The following DNAJC1 variants were observed in gnomAD, a reference collection of about 807,000 sequenced individuals.
DNAJC1 encodes DnaJ heat shock protein family (Hsp40) member C1, also known as dnaJ homolog subfamily C member 1.
Under a neutral mutation model 76.6 loss-of-function variants are expected in DNAJC1, and 58 were observed. The observed-to-expected ratio is 0.76, with a 90% CI of 0.61 to 0.94. The LOEUF is 0.94. DNAJC1 is among the 40% of genes least tolerant of loss of function. The probability of loss-of-function intolerance (pLI) is 0.00; values close to 1 mark genes in which losing one functional copy is unlikely to be tolerated. For synonymous variants in DNAJC1, 258 were observed against 267.9 expected, an observed-to-expected ratio of 0.96 and a Z score of 0.36; for missense variants, 689 against 677.3, an observed-to-expected ratio of 1.02 and a Z score of -0.19.
At chr10:21,835,493 T>A (rs954790856) in intron 8 of DNAJC1, among the ~76,000 whole-genome samples, 2 of 151,850 alleles carry the variant, frequency 1.3e-5, no homozygotes. Context: ...CTTTGATGAG[T>A]TGAGAGAAGA....
At chr10:21,848,138 A>T (rs955022736) in intron 8 of DNAJC1, among the ~76,000 whole-genome samples, 1 of 152,120 alleles carries the variant, frequency 6.6e-6, no homozygotes, top group Non-Finnish European at 1.5e-5. Flanking sequence ...TGTCTTTTTG[A>T]TAACAGTCAC....
At chr10:21,900,638 A>G (rs1836636775) in intron 7 of DNAJC1, among the ~76,000 whole-genome samples, 1 of 152,194 alleles carries the variant, frequency 6.6e-6, no homozygotes, top group African/African-American at 2.4e-5. Flanking sequence ...TATATTCTTT[A>G]GATATTATCT....
intron 8 of DNAJC1, among the ~76,000 whole-genome samples, chr10:21,842,623 G>T (rs994460775): frequency 2.0e-5 from 3 of 152,170 alleles, no homozygotes; most frequent in Admixed American, 2.0e-4. Flanking sequence ...AGGTTTTAAA[G>T]ATGTAAATTG....
Position 21,847,817 on chromosome 10 carries a change from T to C in DNAJC1, c.978+34465A>G, listed in dbSNP as rs139680102. Among the ~76,000 whole-genome samples the C allele has an allele frequency of 2.1e-4, 32 of 152,282 alleles. No homozygotes were observed. In the East Asian group the frequency reaches 4.8e-3, roughly 23 times the overall value. ...ATATTCCATTGAGTGTGTGTCCATA[T>C]ATATATGGACAAACACACCATTTTC... On this transcript the variant is annotated intron_variant, in intron 8 of 11. Coordinates refer to ENST00000376980, the MANE Select transcript of DNAJC1 (RefSeq NM_022365.4).
In DNAJC1 at chr10:21,962,816, G is replaced by C. The variant is rs535299984; in HGVS notation, c.223-33675C>G. Among the ~76,000 whole-genome samples, 55 of 151,802 alleles carry C rather than the reference G, an allele frequency of 3.6e-4. 1 individual carries two copies. Among genetic ancestry groups the C allele is most frequent in the African/African-American group, 1.3e-3 (52 of 41,402 alleles). On this transcript the variant is annotated intron_variant, in intron 1 of 11. Transcript: ENST00000376980. Reference sequence around the variant, plus strand: ...TAAAATTTCCCTATTCATTTTAACAGATGAGAAAAAGTAAAATATTGAAAA... The same window carrying C: ...TAAAATTTCCCTATTCATTTTAACACATGAGAAAAAGTAAAATATTGAAAA...
chr10:21,850,408 G>A (rs1835733646), intron 8 of DNAJC1, among the ~76,000 whole-genome samples: 1 of 152,004 alleles, frequency 6.6e-6, no homozygotes, highest in Non-Finnish European at 1.5e-5. Context: ...ATTTAACTAA[G>A]GAGGTGAAGG....
chr10:21,784,853 G>C (rs1372088535), intron 9 of DNAJC1, among the ~76,000 whole-genome samples: 1 of 151,218 alleles, frequency 6.6e-6, no homozygotes, highest in Non-Finnish European at 1.5e-5. Flanking sequence ...TGAACAATGA[G>C]AACACTTGGA....
chr10:21,926,714 G>A (rs186296226), intron 3 of DNAJC1, among the ~76,000 whole-genome samples: 1 of 152,218 alleles, frequency 6.6e-6, no homozygotes, highest in African/African-American at 2.4e-5. Context: ...TTGCCTCAAG[G>A]AAAACCAGTT....
At chr10:21,995,716 C>T (rs778214611) in intron 1 of DNAJC1, among the ~76,000 whole-genome samples, 8 of 152,148 alleles carry the variant, frequency 5.3e-5, no homozygotes, top group Non-Finnish European at 1.2e-4. Context: ...AAATGTAGAA[C>T]GTGGCATGCC....
At chr10:21,968,205 T>C (rs1289671710) in intron 1 of DNAJC1, among the ~76,000 whole-genome samples, 3 of 152,176 alleles carry the variant, frequency 2.0e-5, no homozygotes, top group East Asian at 3.8e-4. Flanking sequence ...ATTAAACAAG[T>C]AAAAGAATAC....
intron 1 of DNAJC1, among the ~76,000 whole-genome samples, chr10:21,964,141 A>C (rs1232372430): frequency 6.6e-6 from 1 of 152,250 alleles, no homozygotes; most frequent in Non-Finnish European, 1.5e-5. Context: ...TTTCTGAAAA[A>C]TATAAAAACC....
chr10:21,762,073 G>T (rs927932334), intron 10 of DNAJC1, among the ~76,000 whole-genome samples: 9 of 152,006 alleles, frequency 5.9e-5, no homozygotes, highest in African/African-American at 2.2e-4. Flanking sequence ...CGAGGAGCTG[G>T]GACTACAGGC....
At chr10:21,916,240 T>A (rs150118828) in intron 6 of DNAJC1, among the ~76,000 whole-genome samples, 10 of 152,192 alleles carry the variant, frequency 6.6e-5, no homozygotes, top group South Asian at 2.1e-4. Context: ...ACGCCTATAA[T>A]CTTAGCACTT....
intron 8 of DNAJC1, among the ~76,000 whole-genome samples, chr10:21,877,464 G>T (rs896613418): frequency 6.6e-6 from 1 of 151,902 alleles, no homozygotes. Context: ...AATACAGAAA[G>T]AACTCTTTAT....
intron 8 of DNAJC1, among the ~76,000 whole-genome samples, chr10:21,837,629 GC>G (rs1835486728): frequency 6.7e-6 from 1 of 149,864 alleles, no homozygotes; most frequent in Non-Finnish European, 1.5e-5. Flanking sequence ...GAGCCCCTCC[GC>G]CCGGCAGCCA....
rs556007033 is a variant in DNAJC1, at chr10:21,851,113, A to C, written c.978+31169T>G. 5.1e-4 allele frequency among the ~76,000 whole-genome samples: 77 copies of C among 152,334 alleles called. 2 individuals are homozygous for C. The South Asian group carries it at 0.016, about 32-fold the overall frequency. On this transcript the variant is annotated intron_variant, in intron 8 of 11. Transcript: ENST00000376980. ...CTCTTGGATTTGACAATGCATTCTT[A>C]GTCCAAACAACAAAAATAGAAGTCA... is the stretch of plus-strand genomic sequence containing the variant.
chr10:21,911,628 G>C (rs888516517), intron 6 of DNAJC1, among the ~76,000 whole-genome samples: 13 of 152,170 alleles, frequency 8.5e-5, no homozygotes, highest in African/African-American at 3.1e-4. Context: ...CCAAGAGATA[G>C]AAGAGACTGT....
intron 1 of DNAJC1, among the ~76,000 whole-genome samples, chr10:21,968,507 T>C (rs1190739121): frequency 6.6e-6 from 1 of 151,858 alleles, no homozygotes; most frequent in African/African-American, 2.4e-5. Context: ...GACATATCTT[T>C]TTTTTTTTTT....
chr10:21,816,265 C>G (rs1247130817), intron 8 of DNAJC1, among the ~76,000 whole-genome samples: 1 of 151,714 alleles, frequency 6.6e-6, no homozygotes, highest in Non-Finnish European at 1.5e-5. Flanking sequence ...GTGACTGAGG[C>G]AGGAGAATTG....
Sources: allele counts gnomAD v4.1 joint callset (sites outside exome capture counted in the v4.1 genomes callset), GRCh38; gene constraint gnomAD v4.1.1; transcripts MANE v1.5; gene names NCBI Gene and HGNC (gene_info 2026-07-23, HGNC 2026-07-21).